The following BTG4 variants were observed in gnomAD, a reference collection of about 807,000 sequenced individuals.
The protein encoded by BTG4 is BTG anti-proliferation factor 4.
A neutral mutation model predicts 19.3 loss-of-function variants in BTG4; 10 were observed. That is an observed-to-expected ratio of 0.52 (90% CI 0.32 to 0.88). The LOEUF is 0.88. Among genes scored for constraint, BTG4 ranks in the 40% least tolerant of loss-of-function variants. BTG4 has a pLI of 0.04. For missense variants in BTG4, 238 were observed against 281.9 expected (o/e 0.84, Z 1.11); for synonymous variants, 91 against 95.7 (o/e 0.95, Z 0.29).
chr11:111,418,384 T>G, the BTG4 span, among the ~76,000 whole-genome samples: 1 of 152,214 alleles, frequency 6.6e-6, no homozygotes, highest in Non-Finnish European at 1.5e-5. Flanking sequence ...TGACAGACTT[T>G]AGGCTTGGCC....
At chr11:111,451,183 G>C in the BTG4 span, 1 of 281,534 alleles carries the variant, frequency 3.6e-6, no homozygotes, top group Middle Eastern at 8.9e-4. Flanking sequence ...CCCTAGAGAG[G>C]AAATGCCCCT....
upstream of BTG4, chr11:111,514,541 A>T: frequency 1.9e-6 from 1 of 524,942 alleles, no homozygotes; most frequent in Non-Finnish European, 3.4e-6. Flanking sequence ...TGACTCCGAC[A>T]GGACACAACC....
chr11:111,470,805 C>T (rs897258345), intron 5 of BTG4, among the ~76,000 whole-genome samples: 8 of 151,992 alleles, frequency 5.3e-5, no homozygotes, highest in African/African-American at 1.7e-4. Flanking sequence ...TACCTGTAGT[C>T]CCAGCTATTC....
the BTG4 span, chr11:111,416,162 G>C: frequency 6.6e-6 from 1 of 152,298 alleles, no homozygotes; most frequent in Non-Finnish European, 1.5e-5. Flanking sequence ...AAAGAGCTTG[G>C]AGGATGTGGG....
chr11:111,395,904 C>T, the BTG4 span, among the ~76,000 whole-genome samples: 1 of 152,260 alleles, frequency 6.6e-6, no homozygotes, highest in African/African-American at 2.4e-5. Flanking sequence ...ACCTTGATCA[C>T]TTTGCACAGC....
the BTG4 span, among the ~76,000 whole-genome samples, chr11:111,413,866 G>A: frequency 6.6e-6 from 1 of 152,190 alleles, no homozygotes; most frequent in Non-Finnish European, 1.5e-5. Flanking sequence ...CCGGGAACAT[G>A]GCAAATTTGG....
chr11:111,450,167 C>G, the BTG4 span, among the ~76,000 whole-genome samples: 20 of 152,312 alleles, frequency 1.3e-4, no homozygotes, highest in East Asian at 9.6e-4. Context: ...CTCCAGGCTG[C>G]CCCTGCCCCA....
chr11:111,384,152 T>A, the BTG4 span, among the ~76,000 whole-genome samples: 1 of 152,178 alleles, frequency 6.6e-6, no homozygotes, highest in African/African-American at 2.4e-5. Flanking sequence ...TAGAAGACAA[T>A]CTCTTCTGAA....
At chr11:111,384,813 A>G in the BTG4 span, 7 of 152,180 alleles carry the variant, frequency 4.6e-5, no homozygotes, top group African/African-American at 1.7e-4. Flanking sequence ...TAACAACACA[A>G]AACAAAATAT....
At chr11:111,437,428 G>A in the BTG4 span, among the ~76,000 whole-genome samples, 1 of 152,260 alleles carries the variant, frequency 6.6e-6, no homozygotes, top group Non-Finnish European at 1.5e-5. Context: ...GGGATGAGGG[G>A]GATGCTGGAA....
chr11:111,404,528 T>C, the BTG4 span: 1 of 454,082 alleles, frequency 2.2e-6, no homozygotes, highest in Non-Finnish European at 4.4e-6. Context: ...CAGGGAATCA[T>C]CTGACATAAC....
intron 5 of BTG4, among the ~76,000 whole-genome samples, chr11:111,488,051 T>C (rs1865172774): frequency 1.3e-5 from 2 of 152,194 alleles, no homozygotes; most frequent in Middle Eastern, 3.4e-3. Context: ...ACAGATTCAA[T>C]GCAATCCCTA....
chr11:111,511,105 T>C (rs1282715567), intron 1 of BTG4, among the ~76,000 whole-genome samples: 1 of 152,254 alleles, frequency 6.6e-6, no homozygotes, highest in African/African-American at 2.4e-5. Flanking sequence ...TAATGTGTGC[T>C]AAAACACCGT....
chr11:111,470,116 G>A (rs1470621100), intron 5 of BTG4: 1 of 152,300 alleles, frequency 6.6e-6, no homozygotes, highest in Non-Finnish European at 1.5e-5. Context: ...TTGTTTTTGA[G>A]ACAGGATCTC....
chr11:111,410,069 G>C, the BTG4 span, among the ~76,000 whole-genome samples: 7 of 152,182 alleles, frequency 4.6e-5, no homozygotes, highest in Non-Finnish European at 1.0e-4. Context: ...AGAAGACATA[G>C]TTCCAGTCTC....
the BTG4 span, among the ~76,000 whole-genome samples, chr11:111,439,735 T>C: frequency 7.0e-4 from 107 of 152,192 alleles, no homozygotes; most frequent in Middle Eastern, 0.01. Flanking sequence ...ACTTCACCTA[T>C]AGGAGTCATA....
the BTG4 span, chr11:111,456,437 C>A: frequency 2.3e-6 from 1 of 444,378 alleles, no homozygotes; most frequent in East Asian, 7.1e-5. This position sits in a 1 kb window ranked among gnomAD's most constrained non-coding sequence, Gnocchi z 4.2. Context: ...CAGTCACCAG[C>A]CAAGGGAGTC....
chr11:111,511,373 T>A (rs745896120), intron 1 of BTG4, among the ~76,000 whole-genome samples: 19 of 152,222 alleles, frequency 1.2e-4, no homozygotes, highest in Non-Finnish European at 2.2e-4. Context: ...TTTAATAGTG[T>A]GAGTTTGTAG....
chr11:111,436,787 G>A, the BTG4 span, among the ~76,000 whole-genome samples: 1 of 152,122 alleles, frequency 6.6e-6, no homozygotes, highest in Admixed American at 6.5e-5. Flanking sequence ...TCCCGCGCCT[G>A]CCCCTCCAGT....
Sources: allele counts gnomAD v4.1 joint callset (sites outside exome capture counted in the v4.1 genomes callset), GRCh38; gene constraint gnomAD v4.1.1; non-coding constraint Gnocchi (gnomAD v3.1); transcripts MANE v1.5; gene names NCBI Gene and HGNC (gene_info 2026-07-23, HGNC 2026-07-21).